The following AATK variants were observed in gnomAD, a reference collection of about 807,000 sequenced individuals.
The protein encoded by AATK is lemur tail kinase 1.
A neutral mutation model predicts 114.3 loss-of-function variants in AATK; 91 were observed. That is an observed-to-expected ratio of 0.80 (90% confidence interval 0.67 to 0.95). The LOEUF (loss-of-function observed/expected upper bound fraction) is 0.95, where lower values mean the gene tolerates loss of function less well. Among genes scored for constraint, AATK ranks in the 40% least tolerant of loss-of-function variants. The probability of loss-of-function intolerance (pLI) is 0.00; values close to 1 mark genes in which losing one functional copy is unlikely to be tolerated. For synonymous variants in AATK, 1,075 were observed against 916.5 expected (o/e 1.17, Z -3.12); for missense variants, 2,176 against 1,965.2 (o/e 1.11, Z -2.03).
At position 81,128,453 on chromosome 17, in the gene AATK, C is replaced by T. The variant is rs1159510461; in HGVS notation, c.414+17G>A. ...GCCTCCCAGGCGGGAGTCCTCCCTCCCAGGCGGGACACGTACCTTCCCGAA... is the reference window on the plus strand; with the variant it reads ...GCCTCCCAGGCGGGAGTCCTCCCTCTCAGGCGGGACACGTACCTTCCCGAA... On this transcript the variant is annotated intron_variant, in intron 4 of 13. Transcript: ENST00000326724. 7.7e-6 allele frequency: 12 copies of T among 1,548,636 alleles called. No homozygotes were observed. Among genetic ancestry groups the T allele is most frequent in the Non-Finnish European group, 1.0e-5 (12 of 1,146,786 alleles).
intron 1 of AATK, among the ~76,000 whole-genome samples, chr17:81,156,068 A>G (rs1214823249): frequency 6.8e-6 from 1 of 147,828 alleles, no homozygotes; most frequent in Non-Finnish European, 1.5e-5. Context: ...GTTATAATGT[A>G]TGTTACTATG....
At chr17:81,123,969 T>G (rs66530963) in intron 9 of AATK, among the ~76,000 whole-genome samples, 30,831 of 152,074 alleles carry the variant, frequency 0.2, 3,371 homozygotes, top group Admixed American at 0.31. Context: ...GCCCTGTGAC[T>G]GGAGACCCCA....
At chr17:81,134,659 C>T (rs550467663) in intron 1 of AATK, among the ~76,000 whole-genome samples, 158 bp from the exon 2 acceptor site, 128 of 152,330 alleles carry the variant, frequency 8.4e-4, no homozygotes, top group Middle Eastern at 3.4e-3. Flanking sequence ...CACAGTGTGG[C>T]GAGGAGGTGG....
At chr17:81,140,690 G>A (rs114478539) in intron 1 of AATK, among the ~76,000 whole-genome samples, 2,259 of 91,334 alleles carry the variant, frequency 0.025, 94 homozygotes, top group African/African-American at 0.059. Flanking sequence ...GGGCCGTGGG[G>A]CCGTTGAGCT....
chr17:81,157,412 G>A (rs1433355752), intron 1 of AATK, among the ~76,000 whole-genome samples: 2 of 152,248 alleles, frequency 1.3e-5, no homozygotes, highest in East Asian at 1.9e-4. Flanking sequence ...TGCCGCACAC[G>A]CTGGCAGCCC....
intron 1 of AATK, among the ~76,000 whole-genome samples, chr17:81,138,969 GCACCCA>G (rs1047527368): frequency 6.1e-5 from 9 of 147,370 alleles, no homozygotes; most frequent in Admixed American, 4.0e-4. Context: ...ACGTGCGCGC[GCACCCA>G]CACCCACACG....
At chr17:81,162,373 A>G (rs895609028) in intron 1 of AATK, among the ~76,000 whole-genome samples, 1 of 152,104 alleles carries the variant, frequency 6.6e-6, no homozygotes, top group African/African-American at 2.4e-5. Context: ...AGAGGAGGAC[A>G]GGTAACTCCT....
intron 3 of AATK, 147 bp downstream of exon 3, chr17:81,130,914 T>C: frequency 9.9e-7 from 1 of 1,010,712 alleles, no homozygotes; most frequent in African/African-American, 1.6e-5. Flanking sequence ...AGTCCAGGGC[T>C]GCACACTGCG....
rs760567263 is a variant in AATK at position 81,122,772 on chromosome 17, G to A, written c.1164C>T (p.Ala388=). The A allele has an allele frequency of 6.9e-6, 11 of 1,594,032 alleles. No homozygotes were observed. In the Admixed American group the frequency reaches 1.4e-4, roughly 20 times the overall value. ...AGGACAGCAGCAGGTGCACCTCCTCGGCTGTGGGCCGCTGCTCGGGCTGCA... is the reference window on the plus strand; with the variant it reads ...AGGACAGCAGCAGGTGCACCTCCTCAGCTGTGGGCCGCTGCTCGGGCTGCA... ...CWLQPEQRPT[A]EEVHLLLSYL... Residue 388 remains alanine (A), a synonymous_variant, in exon 11 of 14, where the codon GCC becomes GCT. Transcript: ENST00000326724.
At chr17:81,128,438 C>T (rs1218362282) in intron 4 of AATK, 32 bp downstream of exon 4, 8 of 1,547,344 alleles carry the variant, frequency 5.2e-6, no homozygotes, top group South Asian at 2.4e-5. Flanking sequence ...GCCTCCCAGG[C>T]GGGAGTCCTC....
chr17:81,128,608 C>T lies in AATK; in HGVS notation c.335-59G>A, dbSNP rs1159035901. On this transcript the variant is annotated intron_variant, in intron 3 of 13. Coordinates refer to ENST00000326724, the MANE Select transcript of AATK (RefSeq NM_001080395.3). ...TGGCCTCCGCACCCCCCAGCTTCCT[C>T]ACCCGGCCCCTGGAGGGGCTGCCCG... 3.9e-6 allele frequency: 6 copies of T among 1,543,862 alleles called. No homozygotes were observed. In the East Asian group the frequency reaches 1.5e-4, roughly 38 times the overall value.
chr17:81,148,745 C>T (rs2061255695), intron 1 of AATK, among the ~76,000 whole-genome samples: 1 of 152,204 alleles, frequency 6.6e-6, no homozygotes, highest in Non-Finnish European at 1.5e-5. Context: ...GACACATGCA[C>T]ACACACAAAT....
chr17:81,138,720 A>T (rs1447972136), intron 1 of AATK, among the ~76,000 whole-genome samples: 2 of 144,094 alleles, frequency 1.4e-5, no homozygotes, highest in Non-Finnish European at 3.0e-5. Flanking sequence ...CACACGCGCA[A>T]ACCCACACAT....
intron 1 of AATK, among the ~76,000 whole-genome samples, chr17:81,163,854 G>C (rs1427315600): frequency 1.3e-5 from 2 of 152,262 alleles, no homozygotes; most frequent in Non-Finnish European, 2.9e-5. Flanking sequence ...CGGCAGCGGG[G>C]CAGGGCCTGG....
chr17:81,144,451 G>A (rs1408681982), intron 1 of AATK, among the ~76,000 whole-genome samples: 1 of 152,206 alleles, frequency 6.6e-6, no homozygotes, highest in Non-Finnish European at 1.5e-5. Flanking sequence ...CCTGTGGGTG[G>A]CCGAGAGGAC....
Position 81,158,144 on chromosome 17 carries a change from G to A in AATK, c.55+7794C>T, listed in dbSNP as rs149019845. On this transcript the variant is annotated intron_variant, in intron 1 of 13. Transcript: ENST00000326724. ...CTAGACAAGACTTGCAGGGCCGCCC[G>A]TCACAGAAGGAAAAATAAAACAGTC... Among the ~76,000 whole-genome samples the A allele has an allele frequency of 2.2e-4, 33 of 152,346 alleles. No homozygotes were observed. The East Asian group carries it at 2.5e-3, about 12-fold the overall frequency.
chr17:81,157,880 C>CT (rs2061385671), intron 1 of AATK, among the ~76,000 whole-genome samples: 1 of 152,240 alleles, frequency 6.6e-6, no homozygotes, highest in African/African-American at 2.4e-5. Flanking sequence ...CCCCCAACAC[C>CT]TTGGCCCTCG....
chr17:81,136,184 C>T (rs990583679), intron 1 of AATK: 1 of 152,486 alleles, frequency 6.6e-6, no homozygotes, highest in Non-Finnish European at 1.5e-5. Flanking sequence ...CCACACCCCT[C>T]TAACACCTTC....
chr17:81,133,865 C>T (rs1177434504), intron 2 of AATK, among the ~76,000 whole-genome samples: 1 of 152,184 alleles, frequency 6.6e-6, no homozygotes. Flanking sequence ...CTCCAGAAGG[C>T]AGAAGATACC....
Sources: gnomAD v4.1 joint callset for allele counts (sites outside exome capture counted in the v4.1 genomes callset) on GRCh38, gnomAD v4.1.1 for gene constraint, MANE v1.5 for transcripts, NCBI Gene and HGNC (gene_info 2026-07-23, HGNC 2026-07-21) for gene names.